The following NAV3 variants were observed in gnomAD, a reference collection of about 807,000 sequenced individuals.
NAV3 encodes neuron navigator 3.
NAV3 carries 87 observed loss-of-function variants against 244.7 expected under a neutral mutation model. That is an observed-to-expected ratio of 0.36 (90% confidence interval 0.30 to 0.42). NAV3 has a LOEUF of 0.42. Ranked by LOEUF, NAV3 falls within the 20% of genes least tolerant of loss-of-function variation. The pLI is 1.00. For missense variants in NAV3, 2,663 were observed against 2,893.3 expected, an observed-to-expected ratio of 0.92 and a Z score of 1.83; for synonymous variants, 1,126 against 1,042.2, an observed-to-expected ratio of 1.08 and a Z score of -1.55.
intron 5 of NAV3, among the ~76,000 whole-genome samples, chr12:77,989,025 G>A (rs1030842592): frequency 1.4e-4 from 21 of 152,106 alleles, no homozygotes; most frequent in African/African-American, 5.1e-4. Context: ...GGGAGAGATT[G>A]ATCATGTGAA....
At chr12:77,700,639 G>A (rs969096163) in intron 2 of NAV3, among the ~76,000 whole-genome samples, 1 of 151,970 alleles carries the variant, frequency 6.6e-6, no homozygotes, top group Non-Finnish European at 1.5e-5. Context: ...TTACCACTGA[G>A]TATGATTTGT....
chr12:77,818,728 C>T (rs1334303354), intron 2 of NAV3, among the ~76,000 whole-genome samples: 3 of 152,076 alleles, frequency 2.0e-5, no homozygotes, highest in Non-Finnish European at 2.9e-5. Context: ...AACAAATTAC[C>T]GCTCATCGTT....
Position 77,966,600 on chromosome 12 carries a change from G to A in NAV3, c.487+299G>A, listed in dbSNP as rs548025447. 5.3e-4 allele frequency among the ~76,000 whole-genome samples: 80 copies of A among 152,132 alleles called. 1 individual carries two copies. The South Asian group carries it at 0.014, about 27-fold the overall frequency. On this transcript the variant is annotated intron_variant, in intron 4 of 39. Transcript: ENST00000397909. ...TTTATAGTATAATTAGATTTCTTAA[G>A]TAGATGAATAGATAATTAGATAAAT...
chr12:77,718,290 C>A (rs756605567), intron 2 of NAV3, among the ~76,000 whole-genome samples: 1 of 151,942 alleles, frequency 6.6e-6, no homozygotes, highest in African/African-American at 2.4e-5. Flanking sequence ...TTTTTGCATG[C>A]GGATTTTCCA....
chr12:77,914,751 T>C (rs552216764), intron 1 of NAV3, among the ~76,000 whole-genome samples: 1 of 152,148 alleles, frequency 6.6e-6, no homozygotes, highest in South Asian at 2.1e-4. Flanking sequence ...TTCAGATTTC[T>C]GTTTTGATTC....
intron 2 of NAV3, among the ~76,000 whole-genome samples, chr12:77,797,892 G>T (rs186414051): frequency 6.6e-6 from 1 of 151,140 alleles, no homozygotes; most frequent in Non-Finnish European, 1.5e-5. Flanking sequence ...TGTTTTACCC[G>T]GTACAGTGGC....
At chr12:78,123,343 A>ATT (rs144071808) in intron 16 of NAV3, among the ~76,000 whole-genome samples, 36 of 149,446 alleles carry the variant, frequency 2.4e-4, no homozygotes, top group African/African-American at 5.4e-4. Context: ...TGTTTTTTTT[A>ATT]TTTTTTTTTT....
intron 3 of NAV3, among the ~76,000 whole-genome samples, chr12:77,964,831 T>C (rs1265113872): frequency 6.6e-6 from 1 of 152,102 alleles, no homozygotes; most frequent in Admixed American, 6.5e-5. Context: ...AATGAGTATA[T>C]CTTGGCTGTG....
Position 77,691,329 on chromosome 12 carries a change from G to GTGTATA in NAV3, c.72+119064_72+119065insGTATAT, listed in dbSNP as rs1555195177. 6.7e-4 allele frequency among the ~76,000 whole-genome samples: 45 copies of GTGTATA among 66,694 alleles called. 2 individuals carry two copies. The highest frequency in any genetic ancestry group is 8.1e-4 in the African/African-American group (15 of 18,584). The allele number at this position is 66,694 out of a possible 152,430, so 43.8% of individuals were successfully genotyped here. A position where few individuals can be genotyped will look rare whatever the true frequency, so the allele number is the denominator to read the frequency against. On this transcript the variant is annotated intron_variant, in intron 2 of 8. Coordinates refer to the NAV3 transcript ENST00000550042. ...TATATAGTCATATATAAGTATTTGT[G>GTGTATA]TATGTGTGTATATATATATATATAT...
chr12:77,926,224 A>T (rs1231615918), intron 1 of NAV3, among the ~76,000 whole-genome samples: 1 of 152,136 alleles, frequency 6.6e-6, no homozygotes, highest in Non-Finnish European at 1.5e-5. Context: ...ACTTCTTTCT[A>T]AATTAATTAA....
At chr12:77,894,699 G>A (rs1169455528) in intron 1 of NAV3, among the ~76,000 whole-genome samples, 7 of 152,152 alleles carry the variant, frequency 4.6e-5, no homozygotes, top group Admixed American at 2.0e-4. Context: ...AGTGAAAAGC[G>A]CTGAGTAGAA....
intron 2 of NAV3, among the ~76,000 whole-genome samples, chr12:77,625,826 T>C (rs897856895): frequency 3.3e-5 from 5 of 152,274 alleles, no homozygotes; most frequent in Admixed American, 6.5e-5. Flanking sequence ...ATCCTTAAAA[T>C]TGAAAGATGC....
intron 2 of NAV3, among the ~76,000 whole-genome samples, chr12:77,686,306 C>T (rs745857102): frequency 1.5e-4 from 23 of 151,930 alleles, no homozygotes; most frequent in Non-Finnish European, 2.5e-4. Context: ...TTGACCAGGC[C>T]GGTCTTGAAC....
chr12:77,787,820 G>A (rs140471245), intron 2 of NAV3, among the ~76,000 whole-genome samples: 71 of 152,256 alleles, frequency 4.7e-4, no homozygotes, highest in African/African-American at 1.7e-3. Flanking sequence ...AAGTTAACAT[G>A]GGTATAAAGT....
intron 13 of NAV3, among the ~76,000 whole-genome samples, chr12:78,117,396 A>G (rs893207210): frequency 5.0e-5 from 2 of 40,330 alleles, no homozygotes; most frequent in African/African-American, 1.6e-4. Context: ...ATATAAATAT[A>G]TATTTATATA....
chr12:77,905,331 A>T (rs1424079005), intron 1 of NAV3, among the ~76,000 whole-genome samples: 1 of 152,070 alleles, frequency 6.6e-6, no homozygotes, highest in Non-Finnish European at 1.5e-5. Flanking sequence ...ATCATCAGTG[A>T]TTCATTTTGT....
At chr12:77,873,744 G>GTGTATGTATATATATATATATA (rs776225440) in intron 1 of NAV3, among the ~76,000 whole-genome samples, 4 of 73,182 alleles carry the variant, frequency 5.5e-5, no homozygotes, top group Admixed American at 1.4e-4. Context: ...ATGTGTGTGT[G>GTGTATGTATATATATATATATA]TATATATATA....
At chr12:77,927,934 A>G (rs940334856) in intron 1 of NAV3, among the ~76,000 whole-genome samples, 1 of 151,968 alleles carries the variant, frequency 6.6e-6, no homozygotes, top group African/African-American at 2.4e-5. Context: ...GAGAAGGAAA[A>G]TGCTGGAAGT....
intron 2 of NAV3, among the ~76,000 whole-genome samples, chr12:77,625,076 A>T (rs1044707957): frequency 3.3e-5 from 5 of 152,190 alleles, no homozygotes; most frequent in Non-Finnish European, 7.3e-5. Flanking sequence ...GTGGAAAAAA[A>T]TTTTTTTAAG....
Sources: allele counts gnomAD v4.1 joint callset (sites outside exome capture counted in the v4.1 genomes callset), GRCh38; gene constraint gnomAD v4.1.1; transcripts MANE v1.5; gene names NCBI Gene and HGNC (gene_info 2026-07-23, HGNC 2026-07-21).